Variants in MTHFD1L observed in about 807,000 individuals in gnomAD.
MTHFD1L encodes monofunctional C1-tetrahydrofolate synthase, mitochondrial.
Under a neutral mutation model 119.5 loss-of-function variants are expected in MTHFD1L, and 81 were observed. The observed-to-expected ratio is 0.68, with a 90% CI of 0.57 to 0.82. The LOEUF (loss-of-function observed/expected upper bound fraction) is 0.82, where lower values mean the gene tolerates loss of function less well. MTHFD1L is among the 40% of genes least tolerant of loss of function. The probability of loss-of-function intolerance (pLI) is 0.00; values close to 1 mark genes in which losing one functional copy is unlikely to be tolerated. For synonymous variants in MTHFD1L, 430 were observed against 475.2 expected (o/e 0.90, Z 1.24); for missense variants, 1,125 against 1,253.4 (o/e 0.90, Z 1.55).
At chr6:151,074,737 CA>C (rs1441131559) in intron 26 of MTHFD1L, among the ~76,000 whole-genome samples, 1 of 152,154 alleles carries the variant, frequency 6.6e-6, no homozygotes. Flanking sequence ...CTGTTACAGC[CA>C]CCTACTGTAT....
chr6:150,944,105 A>G (rs1339357375), intron 13 of MTHFD1L, among the ~76,000 whole-genome samples: 3 of 152,252 alleles, frequency 2.0e-5, no homozygotes, highest in East Asian at 1.9e-4. Context: ...TGATTTTCTG[A>G]TTTAGGCATT....
chr6:150,883,030 C>A, intron 5 of MTHFD1L, 144 bp downstream of exon 5: 4 of 872,986 alleles, frequency 4.6e-6, no homozygotes, highest in Non-Finnish European at 6.5e-6. Context: ...TTTCAGGAGT[C>A]TATAGGATTT....
intron 1 of MTHFD1L, 115 bp from the exon 2 acceptor site, chr6:150,875,972 CCTT>C: frequency 2.6e-6 from 2 of 784,078 alleles, no homozygotes; most frequent in Non-Finnish European, 4.3e-6. Flanking sequence ...TGGAGTGCGT[CCTT>C]CTGTGGTCTA....
At chr6:150,956,245 A>T (rs1429627947) in intron 17 of MTHFD1L, among the ~76,000 whole-genome samples, 174 bp downstream of exon 17, 1 of 152,170 alleles carries the variant, frequency 6.6e-6, no homozygotes, top group East Asian at 1.9e-4. Flanking sequence ...TAGAGGCTCC[A>T]GTGTCTTTTT....
intron 8 of MTHFD1L, among the ~76,000 whole-genome samples, chr6:150,908,698 T>C (rs1713759766): frequency 6.6e-6 from 1 of 151,684 alleles, no homozygotes; most frequent in African/African-American, 2.4e-5. Context: ...AGGAATGCTA[T>C]GTTGATGAAA....
At chr6:151,038,164 T>C (rs1162422971) in intron 26 of MTHFD1L, among the ~76,000 whole-genome samples, 3 of 152,166 alleles carry the variant, frequency 2.0e-5, no homozygotes, top group Admixed American at 1.3e-4. Context: ...GTGAGACGCA[T>C]GGGTTTGAAT....
intron 26 of MTHFD1L, among the ~76,000 whole-genome samples, chr6:151,079,610 C>T (rs1792924167): frequency 6.6e-6 from 1 of 151,908 alleles, no homozygotes; most frequent in African/African-American, 2.4e-5. Flanking sequence ...CTGCTTCAGC[C>T]TCTCAAGTAG....
intron 7 of MTHFD1L, among the ~76,000 whole-genome samples, chr6:150,902,876 A>G (rs1320317782): frequency 6.6e-6 from 1 of 152,196 alleles, no homozygotes; most frequent in Non-Finnish European, 1.5e-5. Flanking sequence ...TGTTCATATT[A>G]ACCTCCTTTT....
At chr6:151,087,659 A>C (rs1035986229) in intron 26 of MTHFD1L, among the ~76,000 whole-genome samples, 2 of 152,248 alleles carry the variant, frequency 1.3e-5, no homozygotes, top group Non-Finnish European at 2.9e-5. Context: ...AGAATCTTTA[A>C]TAATTTTTCA....
intron 4 of MTHFD1L, among the ~76,000 whole-genome samples, chr6:150,879,141 G>C (rs1780950682): frequency 6.6e-6 from 1 of 152,086 alleles, no homozygotes; most frequent in African/African-American, 2.4e-5. Context: ...CTATATACTG[G>C]GCGATAAGTG....
rs1317772007 is a variant in MTHFD1L at position 150,866,012 on chromosome 6, G to A, written c.190G>A (p.Gly64Ser). ...DGQARSSCSP[G>S]GRTPAARDSI... ...CCAGGCCCGGAGCAGCTGCAGCCCC[G>A]GCGGCCGAACGCCCGCGGCGCGGGA... Residue 64 changes from glycine to serine, a missense_variant, in exon 1 of 28, where the codon GGC (glycine) becomes AGC (serine). Transcript: ENST00000367321. 26 of 1,389,352 alleles carry A rather than the reference G, an allele frequency of 1.9e-5. No individual in the cohort carries two copies. Among genetic ancestry groups the A allele is most frequent in the Non-Finnish European group, 2.2e-5 (24 of 1,076,838 alleles). The allele number at this position is 1,389,352 out of a possible 1,614,324, so 86.1% of individuals were successfully genotyped here. A position where few individuals can be genotyped will look rare whatever the true frequency, so the allele number is the denominator to read the frequency against.
Position 150,865,879 on chromosome 6 carries a change from G to A in MTHFD1L, c.57G>A (p.Pro19=). The change falls in exon 1 of 28, where the codon CCG becomes CCA. Residue 19 remains proline, a synonymous_variant. Coordinates refer to ENST00000367321, the MANE Select transcript of MTHFD1L (RefSeq NM_015440.5). ...AGCTCCGCCGCCCGCCCCAGCCCCC[G>A]GGCCCTCCGCGCCGCCTCCGTGTGC... ...LRQLRRPPQP[P]GPPRRLRVPC... 1 of 1,203,278 alleles carries A rather than the reference G, an allele frequency of 8.3e-7. No homozygotes were observed. Among genetic ancestry groups the A allele is most frequent in the South Asian group, 3.3e-5 (1 of 30,094 alleles). The allele number at this position is 1,203,278 out of a possible 1,614,324, so 74.5% of individuals were successfully genotyped here. A position where few individuals can be genotyped will look rare whatever the true frequency, so the allele number is the denominator to read the frequency against.
At chr6:150,968,425 T>G (rs910350725) in intron 19 of MTHFD1L, among the ~76,000 whole-genome samples, 1 of 152,242 alleles carries the variant, frequency 6.6e-6, no homozygotes, top group African/African-American at 2.4e-5. Context: ...TGATGTGATA[T>G]TCCTTCATAA....
chr6:150,997,608 T>A (rs111930176), intron 20 of MTHFD1L, among the ~76,000 whole-genome samples: 34,649 of 151,652 alleles, frequency 0.23, 4,043 homozygotes, highest in Middle Eastern at 0.31. Flanking sequence ...GGGCAACATG[T>A]CAAAACCCCA....
intron 26 of MTHFD1L, among the ~76,000 whole-genome samples, chr6:151,073,137 G>T (rs1442601865): frequency 2.0e-5 from 3 of 152,296 alleles, no homozygotes; most frequent in East Asian, 3.9e-4. Context: ...CAGAGCTGGG[G>T]ATACATCAAG....
At chr6:150,941,282 G>A (rs1336443181) in intron 13 of MTHFD1L, among the ~76,000 whole-genome samples, 1 of 152,210 alleles carries the variant, frequency 6.6e-6, no homozygotes, top group East Asian at 1.9e-4. Flanking sequence ...AGCCCCGTGG[G>A]CCAGCGGGAG....
chr6:150,975,606 T>A (rs1776437733), intron 20 of MTHFD1L, among the ~76,000 whole-genome samples: 1 of 152,194 alleles, frequency 6.6e-6, no homozygotes, highest in African/African-American at 2.4e-5. Context: ...AAACTCCAAA[T>A]GTCACTCAGA....
chr6:150,936,671 T>C lies in MTHFD1L; in HGVS notation c.1257-133T>C, dbSNP rs182453546. The C allele has an allele frequency of 6.7e-5, 74 of 1,103,926 alleles. No homozygotes were observed. The African/African-American group carries it at 7.9e-4, about 12-fold the overall frequency. 68.4% of individuals were successfully genotyped at this position (1,103,926 alleles called of 1,614,324 possible). On this transcript the variant is annotated intron_variant, in intron 11 of 27. Coordinates refer to ENST00000367321, the MANE Select transcript of MTHFD1L (RefSeq NM_015440.5). Reference sequence around the variant, plus strand: ...CCTGTGTGATGTGAGTAGACCATAATAGCCCGAGAAAATTAAATTATGGAG... The same window carrying C: ...CCTGTGTGATGTGAGTAGACCATAACAGCCCGAGAAAATTAAATTATGGAG...
At chr6:150,930,115 C>T (rs374352982) in intron 11 of MTHFD1L, among the ~76,000 whole-genome samples, 110 of 152,234 alleles carry the variant, frequency 7.2e-4, no homozygotes, top group African/African-American at 2.5e-3. Context: ...TATCGATAGC[C>T]TAAAGTGGGC....
Sources: allele counts gnomAD v4.1 joint callset (sites outside exome capture counted in the v4.1 genomes callset), GRCh38; gene constraint gnomAD v4.1.1; transcripts MANE v1.5; gene names NCBI Gene and HGNC (gene_info 2026-07-23, HGNC 2026-07-21).